The following GUCY1A2 variants were observed in gnomAD, a reference collection of about 807,000 sequenced individuals.
The protein encoded by GUCY1A2 is guanylate cyclase 1 soluble subunit alpha 2.
A neutral mutation model predicts 63.5 loss-of-function variants in GUCY1A2; 27 were observed. The observed-to-expected ratio is 0.43, with a 90% confidence interval of 0.31 to 0.59. The LOEUF is 0.59. Among genes scored for constraint, GUCY1A2 ranks in the 20% least tolerant of loss-of-function variants. GUCY1A2 has a pLI of 0.11. For missense variants in GUCY1A2, 768 were observed against 913.3 expected (o/e 0.84, Z 2.05); for synonymous variants, 364 against 343.5 (o/e 1.06, Z -0.66).
In GUCY1A2 at chr11:106,986,890, C is replaced by G. The variant is rs143941499; in HGVS notation, c.304-759G>C. Among the ~76,000 whole-genome samples, 228 of 152,260 alleles carry G rather than the reference C, an allele frequency of 1.5e-3. 1 individual carries two copies. The highest frequency in any genetic ancestry group is 5.3e-3 in the African/African-American group (220 of 41,540). ...ATCTAAGCAGCTCATGACCACATTTCATAATCTCTTCTCCACGATGGCTTA... is the reference window on the plus strand; with the variant it reads ...ATCTAAGCAGCTCATGACCACATTTGATAATCTCTTCTCCACGATGGCTTA... On this transcript the variant is annotated intron_variant, in intron 1 of 7. Coordinates refer to ENST00000526355, the MANE Select transcript of GUCY1A2 (RefSeq NM_000855.3).
chr11:106,884,113 A>G (rs1859864586), intron 4 of GUCY1A2, among the ~76,000 whole-genome samples: 1 of 152,136 alleles, frequency 6.6e-6, no homozygotes, highest in Non-Finnish European at 1.5e-5. Context: ...GCACACCAAC[A>G]TGGCACATGT....
intron 6 of GUCY1A2, among the ~76,000 whole-genome samples, chr11:106,748,854 GAAT>G (rs1388067977): frequency 1.3e-5 from 2 of 151,126 alleles, no homozygotes; most frequent in South Asian, 4.2e-4. Context: ...AAATAGAACA[GAAT>G]AACACAGCGT....
intron 1 of GUCY1A2, among the ~76,000 whole-genome samples, chr11:107,016,573 C>T (rs1420111263): frequency 6.6e-6 from 1 of 152,156 alleles, no homozygotes; most frequent in Non-Finnish European, 1.5e-5. Context: ...CCAAGATGAC[C>T]ACAAGTTTGG....
chr11:106,983,974 T>C (rs1341135955), intron 2 of GUCY1A2, among the ~76,000 whole-genome samples: 1 of 152,212 alleles, frequency 6.6e-6, no homozygotes, highest in Non-Finnish European at 1.5e-5. Context: ...GGGTGAGTGA[T>C]ATTAGCTGCT....
intron 4 of GUCY1A2, among the ~76,000 whole-genome samples, chr11:106,864,484 C>T (rs1358232879): frequency 6.6e-6 from 1 of 152,072 alleles, no homozygotes; most frequent in African/African-American, 2.4e-5. Flanking sequence ...AGAGGGCATC[C>T]TTGTCTTGTG....
At chr11:106,810,562 G>GA (rs1054066854) in intron 4 of GUCY1A2, 84 bp from the exon 5 acceptor site, 7 of 1,176,816 alleles carry the variant, frequency 5.9e-6, no homozygotes, top group South Asian at 3.5e-5. Flanking sequence ...TGAATAGAAA[G>GA]AAAAAATGTT....
Position 106,847,241 on chromosome 11 carries a change from A to AT in GUCY1A2, c.1207-36764_1207-36763insA, listed in dbSNP as rs1292355602. Among the ~76,000 whole-genome samples, 1,249 of 143,550 alleles carry AT rather than the reference A, an allele frequency of 8.7e-3. 6 individuals carry two copies. The highest frequency in any genetic ancestry group is 0.015 in the Middle Eastern group (4 of 262). 94.2% of individuals were successfully genotyped at this position (143,550 alleles called of 152,430 possible). On this transcript the variant is annotated intron_variant, in intron 4 of 7. Transcript: ENST00000526355. ...TGATATTGCAAAACTCAAAAAAAAAAATATATATATATATATAAAAAATTG... is the reference window on the plus strand; with the variant it reads ...TGATATTGCAAAACTCAAAAAAAAAATATATATATATATATATAAAAAATTG...
chr11:106,869,815 ATTG>A (rs1859648776), intron 4 of GUCY1A2, among the ~76,000 whole-genome samples: 1 of 152,196 alleles, frequency 6.6e-6, no homozygotes, highest in Non-Finnish European at 1.5e-5. Flanking sequence ...ATGTATGTTT[ATTG>A]CAGCACTACT....
intron 4 of GUCY1A2, among the ~76,000 whole-genome samples, chr11:106,859,871 G>A (rs1859485628): frequency 6.6e-6 from 1 of 151,938 alleles, no homozygotes; most frequent in Non-Finnish European, 1.5e-5. Context: ...TAGGTGTGCA[G>A]TAGGCTCTAC....
intron 6 of GUCY1A2, among the ~76,000 whole-genome samples, chr11:106,755,363 T>C (rs760486686): frequency 6.6e-6 from 1 of 152,176 alleles, no homozygotes; most frequent in Non-Finnish European, 1.5e-5. Context: ...TCTGCTCTCA[T>C]CTTAGTTATT....
chr11:106,751,745 A>G (rs1863885680), intron 6 of GUCY1A2, among the ~76,000 whole-genome samples: 1 of 152,182 alleles, frequency 6.6e-6, no homozygotes, highest in South Asian at 2.1e-4. Flanking sequence ...ATTAAATTAT[A>G]AAATAAATTT....
intron 4 of GUCY1A2, among the ~76,000 whole-genome samples, chr11:106,931,960 T>C (rs1860608741): frequency 6.6e-6 from 1 of 151,998 alleles, no homozygotes; most frequent in South Asian, 2.1e-4. Flanking sequence ...ACCAAAAAAG[T>C]ACACAAGAAC....
intron 6 of GUCY1A2, among the ~76,000 whole-genome samples, chr11:106,759,167 G>C (rs1429516310): frequency 7.1e-6 from 1 of 140,666 alleles, no homozygotes; most frequent in South Asian, 2.3e-4. Flanking sequence ...TGAAATTATT[G>C]AAAAAAAAAA....
At chr11:106,981,399 T>A (rs576091319) in intron 2 of GUCY1A2, among the ~76,000 whole-genome samples, 102 of 149,868 alleles carry the variant, frequency 6.8e-4, no homozygotes, top group Non-Finnish European at 1.3e-3. Flanking sequence ...TAGATGACTA[T>A]AAGAATTGGT....
chr11:106,933,016 TAG>T (rs1445331557), intron 4 of GUCY1A2, among the ~76,000 whole-genome samples: 11 of 152,070 alleles, frequency 7.2e-5, no homozygotes. Flanking sequence ...GTAAGAATCC[TAG>T]AAGAAAACCT....
At chr11:106,804,397 A>C (rs1033139753) in intron 5 of GUCY1A2, among the ~76,000 whole-genome samples, 2 of 152,242 alleles carry the variant, frequency 1.3e-5, no homozygotes, top group Non-Finnish European at 1.5e-5. Flanking sequence ...TCTTTACTAA[A>C]TGGAACTGGC....
intron 7 of GUCY1A2, among the ~76,000 whole-genome samples, chr11:106,708,171 CAG>C (rs1307200272): frequency 6.6e-6 from 1 of 151,916 alleles, no homozygotes; most frequent in African/African-American, 2.4e-5. Context: ...TTTTTATAAA[CAG>C]AAACATTTTG....
Position 106,679,220 on chromosome 11 carries a change from T to A in GUCY1A2, c.*8329A>T, listed in dbSNP as rs747034502. Reference sequence around the variant, plus strand: ...TCTATATGAATTAACCAGTTACATGTAAGTGAAAAATCTTTGATGATTAAG... The same window carrying A: ...TCTATATGAATTAACCAGTTACATGAAAGTGAAAAATCTTTGATGATTAAG... On this transcript the variant is annotated 3_prime_UTR_variant, in exon 8 of 8. Transcript: ENST00000526355. The A allele has an allele frequency of 1.6e-5, 3 of 187,618 alleles. No individual in the cohort carries two copies. The highest frequency in any genetic ancestry group is 2.3e-5 in the African/African-American group (1 of 42,824). The allele number at this position is 187,618 out of a possible 1,614,324, so 11.6% of individuals were successfully genotyped here.
intron 5 of GUCY1A2, among the ~76,000 whole-genome samples, chr11:106,789,751 C>T (rs1039809440): frequency 2.6e-5 from 4 of 152,220 alleles, no homozygotes; most frequent in Non-Finnish European, 5.9e-5. Context: ...GGTTTTTACA[C>T]ACCCATAGAG....
Sources: allele counts gnomAD v4.1 joint callset (sites outside exome capture counted in the v4.1 genomes callset), GRCh38; gene constraint gnomAD v4.1.1; transcripts MANE v1.5; gene names NCBI Gene and HGNC (gene_info 2026-07-23, HGNC 2026-07-21).